The following TAX1BP3 variants were observed in gnomAD, a reference collection of about 807,000 sequenced individuals.
TAX1BP3 encodes Tax1 binding protein 3, also known as tax1-binding protein 3.
In TAX1BP3, 13 loss-of-function variants were observed where a neutral mutation model predicts 15.3. The observed-to-expected ratio is 0.85, with a 90% CI of 0.55 to 1.35. The LOEUF (loss-of-function observed/expected upper bound fraction) is 1.35, where lower values mean the gene tolerates loss of function less well. TAX1BP3 is among the 40% of genes most tolerant of loss of function. The pLI is 0.00. For synonymous variants in TAX1BP3, 70 were observed against 66.0 expected, an observed-to-expected ratio of 1.06 and a Z score of -0.30; for missense variants, 147 against 169.6, an observed-to-expected ratio of 0.87 and a Z score of 0.74.
Position 3,663,484 on chromosome 17 carries a change from G to C in TAX1BP3, c.*264C>G. On this transcript the variant is annotated 3_prime_UTR_variant, in exon 4 of 4. Coordinates refer to ENST00000225525, the MANE Select transcript of TAX1BP3 (RefSeq NM_014604.4). ...GTGGCCAAGCAGCAGGGTCGGACCTGAGCCTGTGGTCACAGCAGACTGGCT... is the reference window on the plus strand; with the variant it reads ...GTGGCCAAGCAGCAGGGTCGGACCTCAGCCTGTGGTCACAGCAGACTGGCT... 2.6e-6 allele frequency: 1 copy of C among 389,924 alleles called. No homozygotes were observed. Among genetic ancestry groups the C allele is most frequent in the East Asian group, 4.0e-5 (1 of 24,984 alleles). The allele number at this position is 389,924 out of a possible 1,614,324, so 24.2% of individuals were successfully genotyped here.
intron 1 of TAX1BP3, among the ~76,000 whole-genome samples, chr17:3,667,323 A>G (rs2076351943): frequency 6.7e-6 from 1 of 149,166 alleles, no homozygotes; most frequent in Non-Finnish European, 1.5e-5. Context: ...AGCCTGGGCG[A>G]CAGAGCAAGA....
intron 1 of TAX1BP3, among the ~76,000 whole-genome samples, chr17:3,667,779 C>T (rs1244126464): frequency 6.6e-6 from 1 of 152,214 alleles, no homozygotes; most frequent in Non-Finnish European, 1.5e-5. Context: ...TTCCTTCCTC[C>T]CTCTGCCTAG....
At chr17:3,665,990 A>G (rs1383684148) in intron 1 of TAX1BP3, among the ~76,000 whole-genome samples, 3 of 152,096 alleles carry the variant, frequency 2.0e-5, no homozygotes, top group East Asian at 3.9e-4. Context: ...GGGCATTCCC[A>G]CCATGCTCTG....
At chr17:3,665,425 A>C in intron 1 of TAX1BP3, 5 of 1,464,384 alleles carry the variant, frequency 3.4e-6, no homozygotes, top group Admixed American at 3.3e-5. Context: ...AATGTTCCCC[A>C]GCATGCTGTT....
intron 1 of TAX1BP3, among the ~76,000 whole-genome samples, chr17:3,667,320 G>A (rs905917365): frequency 1.3e-5 from 2 of 149,298 alleles, no homozygotes; most frequent in Non-Finnish European, 3.0e-5. Flanking sequence ...TCCAGCCTGG[G>A]CGACAGAGCA....
rs2076360575 is a variant in TAX1BP3 at position 3,668,043 on chromosome 17, CGGGAGAG to C, written c.39+438_39+444del. On this transcript the variant is annotated intron_variant, in intron 1 of 3. Transcript: ENST00000225525. This position sits in a 1 kb window ranked among gnomAD's most constrained non-coding sequence, Gnocchi z 4.1. ...GGGGCAGGGGCTGCCACGGCAGGCT[CGGGAGAG>C]CCCCACCCCCAGATCTCCCTCCGGG... is the stretch of plus-strand genomic sequence containing the variant. 6.6e-6 allele frequency among the ~76,000 whole-genome samples: 1 copy of C among 152,264 alleles called. No individual in the cohort carries two copies. The highest frequency in any genetic ancestry group is 1.5e-5 in the Non-Finnish European group (1 of 68,048).
At chr17:3,665,714 C>CAAAA in intron 1 of TAX1BP3, 3 of 539,588 alleles carry the variant, frequency 5.6e-6, no homozygotes, top group South Asian at 2.0e-5. Flanking sequence ...AGGTGTTAAA[C>CAAAA]AAAAAAAAAT....
intron 3 of TAX1BP3, 135 bp from the exon 4 acceptor site, chr17:3,664,020 G>T: frequency 6.9e-7 from 1 of 1,453,832 alleles, no homozygotes; most frequent in South Asian, 1.3e-5. Flanking sequence ...ACCAAGCACT[G>T]TGGCTGAGAC....
chr17:3,665,320 A>T (rs892846999), intron 1 of TAX1BP3: 19 of 1,262,346 alleles, frequency 1.5e-5, no homozygotes, highest in Non-Finnish European at 2.2e-5. Flanking sequence ...ATGCGAATCT[A>T]TAAGAAAGGT....
At chr17:3,664,929 C>A in intron 1 of TAX1BP3, 131 bp from the exon 2 acceptor site, 1 of 1,348,676 alleles carries the variant, frequency 7.4e-7, no homozygotes, top group Non-Finnish European at 1.0e-6. Flanking sequence ...CAGCTGCTCA[C>A]CAGCCTGGGA....
intron 3 of TAX1BP3, 93 bp from the exon 4 acceptor site, chr17:3,663,978 GC>G: frequency 6.6e-7 from 1 of 1,523,478 alleles, no homozygotes; most frequent in Non-Finnish European, 8.8e-7. Context: ...ATTCAAGTAG[GC>G]CCCCAGCCTA....
rs2076314066 is a variant in TAX1BP3 at position 3,664,259 on chromosome 17, G to A, written c.173C>T (p.Thr58Ile). 1 of 1,614,028 alleles carries A rather than the reference G, an allele frequency of 6.2e-7. No homozygotes were observed. The highest frequency in any genetic ancestry group is 8.5e-7 in the Non-Finnish European group (1 of 1,180,042). Reference sequence around the variant, plus strand: ...AGCAGGGCCTCCTTCAGACACCCGTGTGACATAAATACCCTGGAAAGGGGC... The same window carrying A: ...AGCAGGGCCTCCTTCAGACACCCGTATGACATAAATACCCTGGAAAGGGGC... ...EDKTDKGIYV[T>I]RVSEGGPAEI... The change falls in exon 3 of 4, where the codon ACA becomes ATA. Residue 58 changes from threonine to isoleucine, a missense_variant. Thr to Ile is a moderately conservative substitution (Grantham distance 89). Coordinates refer to ENST00000225525, the MANE Select transcript of TAX1BP3 (RefSeq NM_014604.4).
Position 3,663,828 on chromosome 17 carries a change from T to C in TAX1BP3, c.295A>G (p.Lys99Glu). Residue 99 changes from lysine to glutamate, a missense_variant, in exon 4 of 4, where the codon AAG (lysine) becomes GAG (glutamate). Coordinates refer to ENST00000225525, the MANE Select transcript of TAX1BP3 (RefSeq NM_014604.4). ...THDQARKRLT[K>E]RSEEVVRLLV... is the part of the protein sequence containing the mutation. ...AGACGCACCACCTCCTCCGAGCGCT[T>C]GGTGAGCCGCTTGCGGGCCTGGTCG... 6.2e-7 allele frequency: 1 copy of C among 1,609,674 alleles called. No homozygotes were observed. The highest frequency in any genetic ancestry group is 1.3e-5 in the African/African-American group (1 of 75,024).
rs757924613 is a variant in TAX1BP3 at position 3,668,572 on chromosome 17, G to T, written c.-46C>A. On this transcript the variant is annotated 5_prime_UTR_variant, in exon 1 of 4. The change creates a new upstream start codon in the 5' untranslated region. Coordinates refer to ENST00000225525, the MANE Select transcript of TAX1BP3 (RefSeq NM_014604.4). This position sits in a 1 kb window ranked among gnomAD's most constrained non-coding sequence, Gnocchi z 4.1. ...CCAGCGCCGCTCCGAGAAGCCGGCA[G>T]CAGAGTACCCGCGGTCGCGCCCTCG... The T allele has an allele frequency of 1.9e-6, 3 of 1,573,670 alleles. No homozygotes were observed. The highest frequency in any genetic ancestry group is 2.6e-6 in the Non-Finnish European group (3 of 1,161,850).
chr17:3,663,771 C>T lies in TAX1BP3; in HGVS notation c.352G>A (p.Val118Met), dbSNP rs201603326. 140 of 1,604,836 alleles carry T rather than the reference C, an allele frequency of 8.7e-5. No individual in the cohort carries two copies. The highest frequency in any genetic ancestry group is 2.0e-4 in the East Asian group (9 of 44,808). ...LVTRQSLQKA[V>M]QQSMLS ...TGCTAGGACAGCATGGACTGCTGCACGGCCTTCTGCAGCGACTGCCGCGTC... is the reference window on the plus strand; with the variant it reads ...TGCTAGGACAGCATGGACTGCTGCATGGCCTTCTGCAGCGACTGCCGCGTC... Residue 118 changes from valine (V) to methionine (M), a missense_variant, in exon 4 of 4, where the codon GTG (valine) becomes ATG (methionine). Transcript: ENST00000225525.
chr17:3,664,685 C>T lies in TAX1BP3; in HGVS notation c.153G>A (p.Thr51=), dbSNP rs774772556. Residue 51 remains threonine, a synonymous_variant, in exon 2 of 4, where the codon ACG becomes ACA. Coordinates refer to ENST00000225525, the MANE Select transcript of TAX1BP3 (RefSeq NM_014604.4). ...GGACCCCAGACCCCCTCACCTTGTC[C>T]GTCTTGTCTTCAGAGAAGGGATTCT... ...PSQNPFSEDK[T]DKGIYVTRVS... is the part of the protein sequence containing the mutation. 1.5e-5 allele frequency: 25 copies of T among 1,613,612 alleles called. No homozygotes were observed. Among genetic ancestry groups the T allele is most frequent in the Admixed American group, 6.7e-5 (4 of 59,994 alleles).
At position 3,664,199 on chromosome 17, in the gene TAX1BP3, A is replaced by G. The variant is rs1307997067; in HGVS notation, c.233T>C (p.Met78Thr). The change falls in exon 3 of 4, where the codon ATG becomes ACG. Residue 78 changes from methionine to threonine, a missense_variant. Coordinates refer to ENST00000225525, the MANE Select transcript of TAX1BP3 (RefSeq NM_014604.4). The part of the protein sequence containing the change: ...IAGLQIGDKI[M>T]QVNGWDMTMV... ...CTCCTTTGGGACACCTGTTACCTGC[A>G]TGATCTTGTCTCCAATCTGCAGCCC... is the stretch of plus-strand genomic sequence containing the variant. 8.7e-6 allele frequency: 14 copies of G among 1,614,102 alleles called. No individual in the cohort carries two copies. Among genetic ancestry groups the G allele is most frequent in the Non-Finnish European group, 1.0e-5 (12 of 1,180,026 alleles).
intron 1 of TAX1BP3, among the ~76,000 whole-genome samples, chr17:3,666,004 T>C (rs911629904): frequency 6.6e-6 from 1 of 152,008 alleles, no homozygotes; most frequent in Non-Finnish European, 1.5e-5. Flanking sequence ...TGCTCTGGGG[T>C]GTTCCCACCA....
chr17:3,664,568 A>G (rs776203884), intron 2 of TAX1BP3, 111 bp downstream of exon 2: 5 of 1,450,238 alleles, frequency 3.4e-6, no homozygotes, highest in Admixed American at 1.7e-5. Flanking sequence ...CTTAGAGAGC[A>G]TGGTTTGAGA....
Sources: allele counts gnomAD v4.1 joint callset (sites outside exome capture counted in the v4.1 genomes callset), GRCh38; gene constraint gnomAD v4.1.1; non-coding constraint Gnocchi (gnomAD v3.1); transcripts MANE v1.5; gene names NCBI Gene and HGNC (gene_info 2026-07-23, HGNC 2026-07-21).